Variants in IPCEF1 observed in about 807,000 individuals in gnomAD.
The protein encoded by IPCEF1 is interactor protein for cytohesin exchange factors 1.
In IPCEF1, 31 loss-of-function variants were observed where a neutral mutation model predicts 50.9. The ratio of observed to expected loss-of-function variants is 0.61; its 90% CI spans 0.46 to 0.82. The LOEUF is 0.82. Among genes scored for constraint, IPCEF1 ranks in the 40% least tolerant of loss-of-function variants. IPCEF1 has a pLI of 0.00. For missense variants in IPCEF1, 458 were observed against 514.0 expected (o/e 0.89, Z 1.05); for synonymous variants, 181 against 192.0 (o/e 0.94, Z 0.47).
intron 1 of IPCEF1, among the ~76,000 whole-genome samples, chr6:154,316,978 T>C (rs1410730180): frequency 6.6e-6 from 1 of 152,142 alleles, no homozygotes; most frequent in Admixed American, 6.6e-5. Context: ...TCCTACCTCA[T>C]AGACCTAAAC....
At chr6:154,171,284 T>A (rs1423300096) in intron 10 of IPCEF1, among the ~76,000 whole-genome samples, 1 of 152,126 alleles carries the variant, frequency 6.6e-6, no homozygotes, top group Non-Finnish European at 1.5e-5. Context: ...TATTCAATAA[T>A]TAAAATAAAT....
At chr6:154,193,049 CGAA>C (rs1040419228) in intron 10 of IPCEF1, among the ~76,000 whole-genome samples, 4 of 152,242 alleles carry the variant, frequency 2.6e-5, no homozygotes, top group African/African-American at 9.6e-5. Flanking sequence ...AGTCATTATA[CGAA>C]GAAGGATACT....
At chr6:154,325,616 G>A (rs1208232128) in intron 1 of IPCEF1, among the ~76,000 whole-genome samples, 1 of 152,228 alleles carries the variant, frequency 6.6e-6, no homozygotes, top group African/African-American at 2.4e-5. Context: ...GGGAATAGAG[G>A]TGGGGGTGAC....
intron 2 of IPCEF1, among the ~76,000 whole-genome samples, chr6:154,276,721 G>A (rs1312614780): frequency 1.3e-5 from 2 of 152,166 alleles, no homozygotes; most frequent in Non-Finnish European, 2.9e-5. Flanking sequence ...ATTCTCCTTA[G>A]AAGCAGGCTT....
At chr6:154,191,284 C>T (rs779053062) in intron 10 of IPCEF1, among the ~76,000 whole-genome samples, 3 of 152,064 alleles carry the variant, frequency 2.0e-5, no homozygotes, top group Non-Finnish European at 4.4e-5. Context: ...ATATTTTTTA[C>T]GGCAGTGAAA....
intron 9 of IPCEF1, among the ~76,000 whole-genome samples, chr6:154,201,971 A>C (rs777683247): frequency 2.0e-5 from 3 of 152,218 alleles, no homozygotes; most frequent in Non-Finnish European, 4.4e-5. Context: ...AGAGCAAACT[A>C]GGATCTTCTT....
chr6:154,288,635 C>A (rs1782425810), intron 2 of IPCEF1, among the ~76,000 whole-genome samples: 1 of 136,832 alleles, frequency 7.3e-6, no homozygotes, highest in Non-Finnish European at 1.5e-5. Context: ...CGCACTCCAG[C>A]CTGGAGACAG....
intron 1 of IPCEF1, among the ~76,000 whole-genome samples, chr6:154,321,778 TAA>T (rs61648946): frequency 4.3e-3 from 222 of 51,908 alleles, no homozygotes; most frequent in African/African-American, 0.011. Flanking sequence ...AGACTCTTTC[TAA>T]AAAAAAAAAA....
intron 3 of IPCEF1, among the ~76,000 whole-genome samples, chr6:154,252,027 A>G (rs576768376): frequency 6.6e-6 from 1 of 152,334 alleles, no homozygotes. Context: ...AACATGTGAG[A>G]CATCTAAGTG....
intron 5 of IPCEF1, among the ~76,000 whole-genome samples, chr6:154,233,055 G>A (rs1203695568): frequency 6.8e-6 from 1 of 147,482 alleles, no homozygotes; most frequent in Non-Finnish European, 1.5e-5. Context: ...TGCAACCTCC[G>A]CCTCCCGGGT....
At chr6:154,258,368 C>T (rs1583914126) in intron 3 of IPCEF1, among the ~76,000 whole-genome samples, 1 of 152,164 alleles carries the variant, frequency 6.6e-6, no homozygotes, top group Non-Finnish European at 1.5e-5. Context: ...AGAATGGGAC[C>T]CAGCCAGTCA....
intron 1 of IPCEF1, among the ~76,000 whole-genome samples, chr6:154,295,909 ACG>A (rs764806433): frequency 3.3e-3 from 70 of 21,414 alleles, no homozygotes; most frequent in South Asian, 0.025. Context: ...ACACACACAC[ACG>A]CACACACACA....
At chr6:154,210,801 AT>A (rs1488662577) in intron 9 of IPCEF1, among the ~76,000 whole-genome samples, 4 of 152,214 alleles carry the variant, frequency 2.6e-5, no homozygotes. Context: ...ATCTTGCTTA[AT>A]TTTGGCTAAT....
At chr6:154,283,967 A>G (rs1334797479) in intron 2 of IPCEF1, among the ~76,000 whole-genome samples, 1 of 152,242 alleles carries the variant, frequency 6.6e-6, no homozygotes, top group East Asian at 1.9e-4. Flanking sequence ...AAGAAGGAAA[A>G]GAACATGAGA....
chr6:154,170,616 T>C (rs750034064), intron 10 of IPCEF1, among the ~76,000 whole-genome samples: 7 of 152,180 alleles, frequency 4.6e-5, no homozygotes, highest in Non-Finnish European at 1.0e-4. Context: ...AAACTACATC[T>C]GAAGACAATT....
chr6:154,355,823 T>C (rs1172487052), intron 1 of IPCEF1, among the ~76,000 whole-genome samples: 5 of 151,804 alleles, frequency 3.3e-5, no homozygotes, highest in Non-Finnish European at 7.4e-5. Flanking sequence ...TCTTTTTTTT[T>C]TTCTTCCTGT....
At chr6:154,321,089 C>T (rs1783362214) in intron 1 of IPCEF1, among the ~76,000 whole-genome samples, 1 of 151,794 alleles carries the variant, frequency 6.6e-6, no homozygotes, top group Non-Finnish European at 1.5e-5. Context: ...CACCACCACA[C>T]CAGGCTAATT....
At chr6:154,331,396 A>AAAGC in intron 1 of IPCEF1, among the ~76,000 whole-genome samples, 1 of 138,164 alleles carries the variant, frequency 7.2e-6, no homozygotes, top group South Asian at 2.5e-4. Flanking sequence ...AGAAAGAAAG[A>AAAGC]AAGAAAGAAA....
intron 1 of IPCEF1, among the ~76,000 whole-genome samples, chr6:154,353,757 C>A (rs916478800): frequency 2.0e-5 from 3 of 152,160 alleles, no homozygotes; most frequent in African/African-American, 7.2e-5. Context: ...GCATTTCACC[C>A]AAATCTTGCT....
Sources: gnomAD v4.1 joint callset for allele counts (sites outside exome capture counted in the v4.1 genomes callset) on GRCh38, gnomAD v4.1.1 for gene constraint, MANE v1.5 for transcripts, NCBI Gene and HGNC (gene_info 2026-07-23, HGNC 2026-07-21) for gene names.